The following LRP1B variants were observed in gnomAD, a reference collection of about 807,000 sequenced individuals.
LRP1B encodes low-density lipoprotein receptor-related protein 1B.
Under a neutral mutation model 556.6 loss-of-function variants are expected in LRP1B, and 217 were observed. That is an observed-to-expected ratio of 0.39 (90% CI 0.35 to 0.44). LRP1B has a LOEUF of 0.44. LRP1B is among the 20% of genes least tolerant of loss of function. The probability of loss-of-function intolerance (pLI) is 1.00; values close to 1 mark genes in which losing one functional copy is unlikely to be tolerated. For synonymous variants in LRP1B, 2,047 were observed against 1,865.8 expected, an observed-to-expected ratio of 1.10 and a Z score of -2.50; for missense variants, 5,053 against 5,620.8, an observed-to-expected ratio of 0.90 and a Z score of 3.23.
intron 2 of LRP1B, among the ~76,000 whole-genome samples, chr2:141,790,112 C>G (rs1240404104): frequency 1.3e-5 from 2 of 151,748 alleles, no homozygotes; most frequent in Admixed American, 6.6e-5. Flanking sequence ...GGACACACAC[C>G]GTTTGAATCA....
chr2:141,183,089 G>C (rs558022305), intron 7 of LRP1B, among the ~76,000 whole-genome samples: 33 of 151,904 alleles, frequency 2.2e-4, no homozygotes, highest in Non-Finnish European at 4.3e-4. Context: ...GGTTGGGGGT[G>C]GGGGAGCAAT....
Position 141,780,201 on chromosome 2 carries a change from A to G in LRP1B, c.205+30078T>C, listed in dbSNP as rs552552866. 1.7e-4 allele frequency among the ~76,000 whole-genome samples: 26 copies of G among 152,182 alleles called. No homozygotes were observed. In the South Asian group the frequency reaches 3.5e-3, roughly 21 times the overall value. On this transcript the variant is annotated intron_variant, in intron 2 of 90. Coordinates refer to ENST00000389484, the MANE Select transcript of LRP1B (RefSeq NM_018557.3). ...AAAAAAGAAGAATGTTTTAAAAGTC[A>G]TTTATCCAAATGTGTCAATTATAGG... is the stretch of plus-strand genomic sequence containing the variant.
At chr2:141,633,917 C>T (rs1331078180) in intron 2 of LRP1B, among the ~76,000 whole-genome samples, 2 of 151,984 alleles carry the variant, frequency 1.3e-5, no homozygotes, top group Non-Finnish European at 2.9e-5. Context: ...TGTTATGTTC[C>T]ATTTAGGAAA....
At chr2:140,851,252 T>G (rs574904188) in intron 28 of LRP1B, among the ~76,000 whole-genome samples, 2 of 152,164 alleles carry the variant, frequency 1.3e-5, no homozygotes, top group African/African-American at 2.4e-5. Context: ...CAAATGATGC[T>G]AGAGTGACTT....
At chr2:141,595,846 A>G (rs968457596) in intron 2 of LRP1B, among the ~76,000 whole-genome samples, 1 of 152,070 alleles carries the variant, frequency 6.6e-6, no homozygotes. Flanking sequence ...GATGTGCTCT[A>G]TCATACTTGA....
intron 3 of LRP1B, among the ~76,000 whole-genome samples, chr2:141,431,405 C>CT (rs1480952732): frequency 6.6e-6 from 1 of 152,178 alleles, no homozygotes; most frequent in Non-Finnish European, 1.5e-5. Flanking sequence ...GGATCTCAAT[C>CT]TTACAGCCAC....
intron 29 of LRP1B, among the ~76,000 whole-genome samples, chr2:140,846,190 A>C (rs1243706346): frequency 1.3e-5 from 2 of 152,188 alleles, no homozygotes; most frequent in Non-Finnish European, 2.9e-5. Flanking sequence ...TCTACAAAGG[A>C]ATGATAGAAA....
intron 6 of LRP1B, among the ~76,000 whole-genome samples, chr2:141,206,472 C>A (rs1249946109): frequency 1.3e-5 from 2 of 151,952 alleles, no homozygotes; most frequent in Non-Finnish European, 2.9e-5. Flanking sequence ...GTAGTCCCAG[C>A]TACTCGGGAG....
At position 140,247,114 on chromosome 2, in the gene LRP1B, C is replaced by A. The variant is rs1460687362; in HGVS notation, c.13296G>T (p.Lys4432Asn). ...SGTQCERPAP[K>N]SSKSDHISTR... ...TGCTGATATGATCAGACTTGCTGCTCTTTGGGGCTGGCCTTTCACACTGTG... is the reference window on the plus strand; with the variant it reads ...TGCTGATATGATCAGACTTGCTGCTATTTGGGGCTGGCCTTTCACACTGTG... Residue 4432 changes from lysine to asparagine, a missense_variant, in exon 87 of 91, where the codon AAG (lysine) becomes AAT (asparagine). Transcript: ENST00000389484. The A allele has an allele frequency of 6.2e-7, 1 of 1,609,438 alleles. No homozygotes were observed. The highest frequency in any genetic ancestry group is 1.1e-5 in the South Asian group (1 of 90,998).
chr2:141,757,077 T>C (rs1694348127), intron 2 of LRP1B, among the ~76,000 whole-genome samples: 2 of 152,176 alleles, frequency 1.3e-5, no homozygotes, highest in Non-Finnish European at 2.9e-5. Context: ...TATTTGTACA[T>C]TTTCTAGCCT....
intron 86 of LRP1B, among the ~76,000 whole-genome samples, chr2:140,259,426 A>G (rs998786008): frequency 1.3e-5 from 2 of 152,110 alleles, no homozygotes; most frequent in African/African-American, 2.4e-5. Flanking sequence ...GAAACATCAT[A>G]TAACAGTTTT....
At chr2:141,618,185 A>ATT (rs200088500) in intron 2 of LRP1B, among the ~76,000 whole-genome samples, 1 of 149,410 alleles carries the variant, frequency 6.7e-6, no homozygotes, top group African/African-American at 2.5e-5. Context: ...GTGTGCTTTT[A>ATT]TTTTTTTTTT....
chr2:142,039,610 G>A (rs896546498), intron 1 of LRP1B, among the ~76,000 whole-genome samples: 2 of 151,516 alleles, frequency 1.3e-5, no homozygotes, highest in African/African-American at 4.8e-5. Flanking sequence ...TAGTGTGTTT[G>A]TGTGATGGGG....
intron 67 of LRP1B, among the ~76,000 whole-genome samples, chr2:140,383,199 C>T (rs1683607812): frequency 6.6e-6 from 1 of 151,754 alleles, no homozygotes; most frequent in African/African-American, 2.4e-5. Flanking sequence ...ACAATAACTG[C>T]CAAATGTAAA....
chr2:141,597,250 A>G (rs569754559), intron 2 of LRP1B, among the ~76,000 whole-genome samples: 1 of 152,024 alleles, frequency 6.6e-6, no homozygotes, highest in East Asian at 1.9e-4. Context: ...CTTGTTTCCA[A>G]TATCACTCTC....
chr2:142,049,342 A>G (rs1336419573), intron 1 of LRP1B, among the ~76,000 whole-genome samples: 1 of 152,100 alleles, frequency 6.6e-6, no homozygotes, highest in African/African-American at 2.4e-5. Context: ...CACTACTCTT[A>G]TATCTTGCTT....
chr2:141,103,905 CA>C (rs1558863094), intron 7 of LRP1B, among the ~76,000 whole-genome samples: 1 of 151,702 alleles, frequency 6.6e-6, no homozygotes, highest in East Asian at 1.9e-4. Context: ...TATTTTGTAC[CA>C]ACCACATTTG....
chr2:140,589,308 A>T (rs1165444175), intron 43 of LRP1B, among the ~76,000 whole-genome samples: 1 of 152,222 alleles, frequency 6.6e-6, no homozygotes, highest in Non-Finnish European at 1.5e-5. Flanking sequence ...AAAAAGTATC[A>T]TCTAGAATAT....
At chr2:141,734,658 T>A (rs1221468963) in intron 2 of LRP1B, among the ~76,000 whole-genome samples, 3 of 152,178 alleles carry the variant, frequency 2.0e-5, no homozygotes, top group Non-Finnish European at 2.9e-5. Flanking sequence ...TCCTATTTTT[T>A]AAAATAATTT....
Sources: allele counts gnomAD v4.1 joint callset (sites outside exome capture counted in the v4.1 genomes callset), GRCh38; gene constraint gnomAD v4.1.1; transcripts MANE v1.5; gene names NCBI Gene and HGNC (gene_info 2026-07-23, HGNC 2026-07-21).